Variants in JAG2 observed in about 807,000 individuals in gnomAD.
The protein encoded by JAG2 is protein jagged-2.
JAG2 carries 46 observed loss-of-function variants against 141.7 expected under a neutral mutation model. That is an observed-to-expected ratio of 0.32 (90% CI 0.26 to 0.42). The LOEUF (loss-of-function observed/expected upper bound fraction) is 0.42. Ranked by LOEUF, JAG2 falls within the 10% of genes least tolerant of loss-of-function variation. The pLI is 1.00. For missense variants in JAG2, 1,500 were observed against 1,817.5 expected (o/e 0.83, Z 3.18); for synonymous variants, 862 against 763.5 (o/e 1.13, Z -2.13).
At chr14:105,151,546 C>T in intron 8 of JAG2, 80 bp downstream of exon 8, 1 of 1,364,196 alleles carries the variant, frequency 7.3e-7, no homozygotes, top group Non-Finnish European at 1.0e-6. Flanking sequence ...ACCACTGCAC[C>T]CCATCCCCAG....
At chr14:105,147,168 A>G (rs1888250176) in intron 20 of JAG2, 158 bp downstream of exon 20, 5 of 687,144 alleles carry the variant, frequency 7.3e-6, no homozygotes, top group African/African-American at 3.5e-5. Flanking sequence ...GGAACCCCAC[A>G]GGGCACAGAC....
chr14:105,155,535 G>A, intron 5 of JAG2, 27 bp downstream of exon 5: 3 of 1,612,138 alleles, frequency 1.9e-6, no homozygotes, highest in Non-Finnish European at 2.5e-6. Flanking sequence ...GGTTGGGAGG[G>A]CAAAGACGGG....
intron 2 of JAG2, among the ~76,000 whole-genome samples, chr14:105,160,617 C>T (rs1888719572): frequency 6.6e-6 from 1 of 151,936 alleles, no homozygotes; most frequent in Admixed American, 6.6e-5. Context: ...AATCCCAACA[C>T]TTTAAGAGGC....
intron 3 of JAG2, among the ~76,000 whole-genome samples, chr14:105,156,597 G>C (rs1308893052): frequency 1.3e-5 from 2 of 152,184 alleles, no homozygotes; most frequent in Non-Finnish European, 2.9e-5. Context: ...GGGCACCACA[G>C]CTGCTGGCGC....
chr14:105,166,229 G>A (rs971487603), intron 2 of JAG2, among the ~76,000 whole-genome samples: 38 of 152,376 alleles, frequency 2.5e-4, no homozygotes, highest in Non-Finnish European at 3.4e-4. Context: ...CCCGCGGGGC[G>A]AAGAGCCAGG....
Position 105,168,067 on chromosome 14 carries a change from G to A in JAG2, c.107C>T (p.Ala36Val), listed in dbSNP as rs1888976627. The change falls in exon 2 of 26, where the codon GCG (alanine) becomes GTG (valine). Residue 36 changes from alanine to valine, a missense_variant. Ala to Val is a moderately conservative substitution (Grantham distance 64). Transcript: ENST00000331782. ...CAGCTCCCCGTTCACGTTCCGCAGC[G>A]CGCTCAGCTGCAGCTCGAAATAGCC... is the stretch of plus-strand genomic sequence containing the variant. ...PMGYFELQLSALRNVNGELLS... is the reference protein window; with the variant it reads ...PMGYFELQLSVLRNVNGELLS... The A allele has an allele frequency of 2.5e-6, 4 of 1,589,088 alleles. No individual in the cohort carries two copies. In the South Asian group the frequency reaches 3.3e-5, roughly 13 times the overall value.
intron 16 of JAG2, 44 bp from the exon 17 acceptor site, chr14:105,148,273 A>G (rs1436292594): frequency 5.7e-6 from 9 of 1,581,236 alleles, no homozygotes; most frequent in South Asian, 3.4e-5. Context: ...CCAGACCGCC[A>G]GGGCCAGGGT....
Position 105,148,196 on chromosome 14 carries a change from T to C in JAG2, c.2168A>G (p.Asn723Ser). 2 of 1,555,096 alleles carry C rather than the reference T, an allele frequency of 1.3e-6. No homozygotes were observed. Among genetic ancestry groups the C allele is most frequent in the East Asian group, 2.4e-5 (1 of 41,242 alleles). Residue 723 changes from asparagine (N) to serine (S), a missense_variant, in exon 17 of 26, where the codon AAC (asparagine) becomes AGC (serine). Asn to Ser is a conservative substitution (Grantham distance 46). Transcript: ENST00000331782. ...EFQCDAYTCS[N>S]GGTCYDSGDT... Reference sequence around the variant, plus strand: ...GCCGCTGTCGTAGCAGGTGCCACCGTTGCTGCAGGTGTAGGCATCGCACTG... The same window carrying C: ...GCCGCTGTCGTAGCAGGTGCCACCGCTGCTGCAGGTGTAGGCATCGCACTG...
At chr14:105,163,416 C>T (rs1399705287) in intron 2 of JAG2, among the ~76,000 whole-genome samples, 2 of 152,162 alleles carry the variant, frequency 1.3e-5, no homozygotes, top group Non-Finnish European at 2.9e-5. Context: ...CAGCACACCC[C>T]CTCTAGGTCC....
At chr14:105,166,679 C>T (rs1342822085) in intron 2 of JAG2, among the ~76,000 whole-genome samples, 2 of 152,340 alleles carry the variant, frequency 1.3e-5, no homozygotes, top group South Asian at 2.1e-4. Flanking sequence ...GAGCCACACA[C>T]GGCAGGCCCA....
chr14:105,143,808 G>A lies in JAG2; in HGVS notation c.3085-170C>T, dbSNP rs77356449. On this transcript the variant is annotated intron_variant, in intron 24 of 25. Transcript: ENST00000331782. ...CACCAGGCAGTGAGTGGGGAGTAGC[G>A]GGGGGAGGAGTGGAGGGGTGGAGGC... is the stretch of plus-strand genomic sequence containing the variant. Among the ~76,000 whole-genome samples, 38 of 149,026 alleles carry A rather than the reference G, an allele frequency of 2.5e-4. No homozygotes were observed. In the East Asian group the frequency reaches 3.8e-3, roughly 15 times the overall value.
chr14:105,161,645 G>A (rs183707606), intron 2 of JAG2, among the ~76,000 whole-genome samples: 26 of 152,190 alleles, frequency 1.7e-4, no homozygotes, highest in African/African-American at 3.1e-4. Flanking sequence ...CTGACGGGGC[G>A]GTACCTGCCT....
At chr14:105,160,943 G>A (rs1005717258) in intron 2 of JAG2, among the ~76,000 whole-genome samples, 1 of 152,126 alleles carries the variant, frequency 6.6e-6, no homozygotes, top group South Asian at 2.1e-4. Flanking sequence ...GGAAGTGAAG[G>A]AGCTGCATGG....
At position 105,167,726 on chromosome 14, in the gene JAG2, G is replaced by A. The variant is rs1888963787; in HGVS notation, c.417+31C>T. 1 of 1,428,052 alleles carries A rather than the reference G, an allele frequency of 7.0e-7. No individual in the cohort carries two copies. Among genetic ancestry groups the A allele is most frequent in the Non-Finnish European group, 9.2e-7 (1 of 1,090,744 alleles). The allele number at this position is 1,428,052 out of a possible 1,614,324, so 88.5% of individuals were successfully genotyped here. ...GCCGGGGCGCGGAGAGAGAGGGAAGGGCTGGAGCACGAGGGATGGAGCGCA... is the reference window on the plus strand; with the variant it reads ...GCCGGGGCGCGGAGAGAGAGGGAAGAGCTGGAGCACGAGGGATGGAGCGCA... On this transcript the variant is annotated intron_variant, in intron 2 of 25. Transcript: ENST00000331782. The surrounding 1 kb of genome is among the most constrained non-coding windows in gnomAD (Gnocchi z 4.8).
rs770427910 is a variant in JAG2, at chr14:105,147,430, G to T, written c.2394-19C>A. 6.2e-7 allele frequency: 1 copy of T among 1,609,926 alleles called. No homozygotes were observed. Among genetic ancestry groups the T allele is most frequent in the Non-Finnish European group, 8.5e-7 (1 of 1,177,964 alleles). On this transcript the variant is annotated intron_variant, in intron 19 of 25. Transcript: ENST00000331782. Reference sequence around the variant, plus strand: ...ATTGTAGCTGCAGAGCAGAGGGTGGGCATCAGGTGGCCCCCCGTGGTATGC... The same window carrying T: ...ATTGTAGCTGCAGAGCAGAGGGTGGTCATCAGGTGGCCCCCCGTGGTATGC...
In JAG2 at chr14:105,148,129, G is replaced by A. The variant is rs1392606732; in HGVS notation, c.2235C>T (p.Ser745=). ...GGGGCTCCTCACCGACGGCGCAGGT[G>A]CTGCCCTTCCAGCCGGGGGGGCAGG... is the stretch of plus-strand genomic sequence containing the variant. The part of the protein sequence containing the change: ...RCACPPGWKG[S]TCAVAKNSSC... The change falls in exon 17 of 26, where the codon AGC becomes AGT. Residue 745 remains serine, a synonymous_variant. Coordinates refer to ENST00000331782, the MANE Select transcript of JAG2 (RefSeq NM_002226.5). The A allele has an allele frequency of 4.5e-6, 7 of 1,547,982 alleles. No individual in the cohort carries two copies. The highest frequency in any genetic ancestry group is 6.1e-6 in the Non-Finnish European group (7 of 1,145,734).
chr14:105,143,597 G>A lies in JAG2; in HGVS notation c.3126C>T (p.Ile1042=), dbSNP rs757869243. The part of the protein sequence containing the change: ...PARDLPDSSL[I]QGAAHAIVAA... ...CCACGATGGCGTGGGCCGCGCCCTG[G>A]ATCAGGCTGCTGTCAGGCAGGTCCC... Residue 1042 remains isoleucine, a synonymous_variant, in exon 25 of 26, where the codon ATC becomes ATT. Coordinates refer to ENST00000331782, the MANE Select transcript of JAG2 (RefSeq NM_002226.5). 6.2e-7 allele frequency: 1 copy of A among 1,608,262 alleles called. No homozygotes were observed. The highest frequency in any genetic ancestry group is 2.2e-5 in the East Asian group (1 of 44,804).
intron 2 of JAG2, among the ~76,000 whole-genome samples, chr14:105,165,551 C>A (rs922661217): frequency 6.6e-6 from 1 of 152,178 alleles, no homozygotes; most frequent in African/African-American, 2.4e-5. Context: ...AAGCTGAGCC[C>A]GAGACCAGCA....
chr14:105,151,452 C>A, intron 8 of JAG2, 56 bp from the exon 9 acceptor site: 2 of 1,520,132 alleles, frequency 1.3e-6, no homozygotes, highest in Admixed American at 1.7e-5. Context: ...GGAATAAGGT[C>A]CCCATGGGCA....
Sources: gnomAD v4.1 joint callset for allele counts (sites outside exome capture counted in the v4.1 genomes callset) on GRCh38, gnomAD v4.1.1 for gene constraint, Gnocchi (gnomAD v3.1) non-coding constraint, MANE v1.5 for transcripts, NCBI Gene and HGNC (gene_info 2026-07-23, HGNC 2026-07-21) for gene names.